Variants in CSGALNACT1 observed in about 807,000 individuals in gnomAD.
The protein encoded by CSGALNACT1 is beta4GalNAcT-1.
Under a neutral mutation model 51.0 loss-of-function variants are expected in CSGALNACT1, and 52 were observed. The observed-to-expected ratio is 1.02, with a 90% CI of 0.82 to 1.29. The LOEUF is 1.29. Among genes scored for constraint, CSGALNACT1 ranks in the 50% most tolerant of loss-of-function variants. The pLI is 0.00. For synonymous variants in CSGALNACT1, 341 were observed against 254.4 expected (o/e 1.34, Z -3.24); for missense variants, 935 against 679.2 (o/e 1.38, Z -4.19).
intron 1 of CSGALNACT1, among the ~76,000 whole-genome samples, chr8:19,707,906 C>G (rs1184977682): frequency 6.6e-6 from 1 of 152,150 alleles, no homozygotes; most frequent in Non-Finnish European, 1.5e-5. Flanking sequence ...GAGGCTAAGG[C>G]TGGAGAATCG....
At chr8:19,625,190 G>A (rs775553325) in intron 1 of CSGALNACT1, among the ~76,000 whole-genome samples, 1 of 152,176 alleles carries the variant, frequency 6.6e-6, no homozygotes, top group Non-Finnish European at 1.5e-5. Flanking sequence ...GACCAGGAGG[G>A]ACGTGGGGTG....
chr8:19,708,791 C>T (rs2062332659), intron 1 of CSGALNACT1, among the ~76,000 whole-genome samples: 2 of 152,170 alleles, frequency 1.3e-5, no homozygotes, highest in Admixed American at 6.5e-5. Flanking sequence ...GAAAAAGTGC[C>T]GTTGTTAGCA....
intron 1 of CSGALNACT1, among the ~76,000 whole-genome samples, chr8:19,656,566 G>C (rs762857905): frequency 6.7e-6 from 1 of 149,054 alleles, no homozygotes; most frequent in Non-Finnish European, 1.5e-5. Flanking sequence ...CACACACACA[G>C]TGACCAAGAA....
chr8:19,722,713 G>A (rs1473239152), intron 1 of CSGALNACT1, among the ~76,000 whole-genome samples: 2 of 152,190 alleles, frequency 1.3e-5, no homozygotes, highest in Non-Finnish European at 2.9e-5. Flanking sequence ...CTCACCGAGG[G>A]CAGGGTCATC....
chr8:19,725,473 G>T (rs1199522017), intron 1 of CSGALNACT1, among the ~76,000 whole-genome samples: 1 of 134,380 alleles, frequency 7.4e-6, no homozygotes, highest in African/African-American at 2.8e-5. Flanking sequence ...TGCCCAGTCT[G>T]GAGTGCAGTG....
At chr8:19,617,957 G>A (rs1272232979) in intron 1 of CSGALNACT1, among the ~76,000 whole-genome samples, 1 of 151,892 alleles carries the variant, frequency 6.6e-6, no homozygotes, top group Admixed American at 6.6e-5. Flanking sequence ...ATAGTTCACT[G>A]CACCCTCAAA....
intron 1 of CSGALNACT1, among the ~76,000 whole-genome samples, chr8:19,628,478 T>G (rs2054747009): frequency 6.6e-6 from 1 of 152,170 alleles, no homozygotes. Context: ...GAGATGAGAT[T>G]TGGGTGGGGA....
intron 2 of CSGALNACT1, among the ~76,000 whole-genome samples, chr8:19,592,064 G>C (rs1310621857): frequency 1.3e-5 from 2 of 149,302 alleles, no homozygotes; most frequent in Non-Finnish European, 3.0e-5. Context: ...GCCTTTAAAA[G>C]AAAAAAAAAG....
chr8:19,545,936 AAAAAT>A (rs1369445145), intron 3 of CSGALNACT1, among the ~76,000 whole-genome samples: 1 of 151,012 alleles, frequency 6.6e-6, no homozygotes, highest in Non-Finnish European at 1.5e-5. Context: ...ACAATGCACA[AAAAAT>A]AAAATAAAGC....
intron 8 of CSGALNACT1, among the ~76,000 whole-genome samples, chr8:19,415,294 C>G (rs1271581909): frequency 2.0e-5 from 3 of 152,226 alleles, no homozygotes; most frequent in African/African-American, 7.2e-5. Flanking sequence ...CACTCAAGAA[C>G]TGGTTTGTCC....
At chr8:19,524,231 A>G (rs2081249139) in intron 3 of CSGALNACT1, among the ~76,000 whole-genome samples, 1 of 152,170 alleles carries the variant, frequency 6.6e-6, no homozygotes, top group Non-Finnish European at 1.5e-5. Flanking sequence ...TCAATGCTAC[A>G]GCAAGGATCA....
At chr8:19,543,807 C>G (rs1437372496) in intron 3 of CSGALNACT1, among the ~76,000 whole-genome samples, 2 of 152,166 alleles carry the variant, frequency 1.3e-5, no homozygotes, top group Non-Finnish European at 2.9e-5. Flanking sequence ...CAACTAAATG[C>G]TGATCCTGAG....
At chr8:19,429,710 A>G (rs1272596867) in intron 6 of CSGALNACT1, among the ~76,000 whole-genome samples, 1 of 152,238 alleles carries the variant, frequency 6.6e-6, no homozygotes, top group African/African-American at 2.4e-5. Flanking sequence ...ATTTGTTTCA[A>G]TACTTACTTT....
At chr8:19,632,701 CAGGAA>C (rs972639131) in intron 1 of CSGALNACT1, among the ~76,000 whole-genome samples, 5 of 152,134 alleles carry the variant, frequency 3.3e-5, no homozygotes, top group African/African-American at 1.2e-4. Flanking sequence ...AAACTCTCCC[CAGGAA>C]AGGAAAGTTG....
At chr8:19,604,614 T>TACATG (rs575165947), upstream of CSGALNACT1, among the ~76,000 whole-genome samples, 1,046 of 152,080 alleles carry the variant, frequency 6.9e-3, 8 homozygotes, top group Middle Eastern at 0.017. Flanking sequence ...TCTTTGAAAT[T>TACATG]AAGTATGGGG....
intron 1 of CSGALNACT1, among the ~76,000 whole-genome samples, chr8:19,716,485 A>AT (rs2062814089): frequency 6.6e-6 from 1 of 152,010 alleles, no homozygotes; most frequent in South Asian, 2.1e-4. Context: ...TTAAAAAAAA[A>AT]ATATATTTCC....
upstream of CSGALNACT1, chr8:19,682,783 G>A (rs1427984542): frequency 2.2e-6 from 1 of 453,874 alleles, no homozygotes; most frequent in Admixed American, 2.3e-5. Context: ...TTTGAGGTCT[G>A]GTTTTAAGCA....
chr8:19,581,832 C>G (rs1039924015), intron 3 of CSGALNACT1, among the ~76,000 whole-genome samples: 3 of 152,168 alleles, frequency 2.0e-5, no homozygotes, highest in Non-Finnish European at 4.4e-5. Flanking sequence ...AGTCTCTTAA[C>G]ATGTAGACGG....
intron 8 of CSGALNACT1, among the ~76,000 whole-genome samples, chr8:19,416,109 CTTTT>C (rs34491658): frequency 2.6e-5 from 3 of 116,720 alleles, no homozygotes; most frequent in Middle Eastern, 4.8e-3. Flanking sequence ...GAAATGAAAA[CTTTT>C]TTTTTTTTTT....
Sources: gnomAD v4.1 joint callset for allele counts (sites outside exome capture counted in the v4.1 genomes callset) on GRCh38, gnomAD v4.1.1 for gene constraint, MANE v1.5 for transcripts, NCBI Gene and HGNC (gene_info 2026-07-23, HGNC 2026-07-21) for gene names.